TMEM125: variants seen among roughly 807,000 people sequenced by gnomAD.
TMEM125 encodes transmembrane protein 125.
TMEM125 carries 11 observed loss-of-function variants against 8.7 expected under a neutral mutation model. That is an observed-to-expected ratio of 1.26 (90% CI 0.79 to 2.08). The LOEUF is 2.08. Ranked by LOEUF, TMEM125 falls within the 30% of genes most tolerant of loss-of-function variation. The pLI is 0.00. For missense variants in TMEM125, 270 were observed against 302.4 expected (o/e 0.89, Z 0.79); for synonymous variants, 144 against 146.1 (o/e 0.99, Z 0.10).
rs1646510375 is a variant in TMEM125 at position 43,273,481 on chromosome 1, G to A, written c.*99G>A. 1.4e-6 allele frequency: 2 copies of A among 1,437,026 alleles called. No individual in the cohort carries two copies. Among genetic ancestry groups the A allele is most frequent in the East Asian group, 2.5e-5 (1 of 40,296 alleles). The allele number at this position is 1,437,026 out of a possible 1,614,324, so 89.0% of individuals were successfully genotyped here. ...GAACGTTGAGTACACATGAGTGCGT[G>A]TATGCCCCCAGGCTGGGTCAGCTCT... On this transcript the variant is annotated 3_prime_UTR_variant, in exon 4 of 4. Coordinates refer to ENST00000439858, the MANE Select transcript of TMEM125 (RefSeq NM_144626.3).
Position 43,272,875 on chromosome 1 carries a change from C to T in TMEM125, c.153C>T (p.Gly51=), listed in dbSNP as rs754662417. Residue 51 remains glycine (G), a synonymous_variant, in exon 4 of 4, where the codon GGC becomes GGT. Coordinates refer to ENST00000439858, the MANE Select transcript of TMEM125 (RefSeq NM_144626.3). The surrounding 1 kb of genome is among the most constrained non-coding windows in gnomAD (Gnocchi z 5.0). ...GCCTCGTGGCAGGCTGTGGCGCGGG[C>T]GGCGTGGCACTGCTGTCAACCACCA... ...AVGLVAGCGA[G]GVALLSTTSS... 1.6e-5 allele frequency: 25 copies of T among 1,584,212 alleles called. No homozygotes were observed. Among genetic ancestry groups the T allele is most frequent in the East Asian group, 2.3e-5 (1 of 43,712 alleles).
In TMEM125 at chr1:43,273,018, A is replaced by T. The variant is rs1646504149; in HGVS notation, c.296A>T (p.Gln99Leu). 6.2e-7 allele frequency: 1 copy of T among 1,612,732 alleles called. No individual in the cohort carries two copies. The highest frequency in any genetic ancestry group is 1.3e-5 in the African/African-American group (1 of 75,014). Residue 99 changes from glutamine to leucine, a missense_variant, in exon 4 of 4, where the codon CAG becomes CTG. Physicochemically the swap from Gln to Leu is moderately radical, Grantham distance 113. Transcript: ENST00000439858. ...SAVQDMNCIR[Q>L]AHHVALLRSG... Reference sequence around the variant, plus strand: ...GTGCAGGACATGAACTGCATCCGCCAGGCCCACCATGTGGCCCTGCTGCGC... The same window carrying T: ...GTGCAGGACATGAACTGCATCCGCCTGGCCCACCATGTGGCCCTGCTGCGC...
Position 43,271,802 on chromosome 1 carries a change from G to A in TMEM125, c.-301-382G>A, listed in dbSNP as rs541916738. Among the ~76,000 whole-genome samples, 2 of 152,338 alleles carry A rather than the reference G, an allele frequency of 1.3e-5. No homozygotes were observed. The highest frequency in any genetic ancestry group is 1.3e-4 in the Admixed American group (2 of 15,308). On this transcript the variant is annotated intron_variant, in intron 2 of 3. Coordinates refer to ENST00000439858, the MANE Select transcript of TMEM125 (RefSeq NM_144626.3). The surrounding 1 kb of genome is among the most constrained non-coding windows in gnomAD (Gnocchi z 4.9). ...TTTAGAGGTGGAGCCCCAGGGACAG[G>A]ACGTGGATTAGATACAGCAGAGGGA...
chr1:43,271,413 C>T lies in TMEM125; in HGVS notation c.-302+620C>T, dbSNP rs1392072555. On this transcript the variant is annotated intron_variant, in intron 2 of 3. Transcript: ENST00000439858. This position sits in a 1 kb window ranked among gnomAD's most constrained non-coding sequence, Gnocchi z 4.9. ...CTGGGCTGACTAACCCACACCCACACTTAGCACAGGCACTGGCCTGCTTGC... is the reference window on the plus strand; with the variant it reads ...CTGGGCTGACTAACCCACACCCACATTTAGCACAGGCACTGGCCTGCTTGC... Among the ~76,000 whole-genome samples the T allele has an allele frequency of 6.6e-6, 1 of 152,244 alleles. No homozygotes were observed. The highest frequency in any genetic ancestry group is 2.4e-5 in the African/African-American group (1 of 41,460).
In TMEM125 at chr1:43,273,110, ACCCTGGCCGGGCTGGCCGCCGCCCCTGC is replaced by A; in HGVS notation, c.394_421del (p.Ala132LeufsTer32). The A allele has an allele frequency of 6.2e-7, 1 of 1,610,192 alleles. No individual in the cohort carries two copies. The highest frequency in any genetic ancestry group is 8.5e-7 in the Non-Finnish European group (1 of 1,178,030). On this transcript the variant is annotated frameshift_variant, in exon 4 of 4. Transcript: ENST00000439858. LOFTEE classifies it high-confidence loss of function. ...CCTCGTGCTGCTGGTCACCGGCCTG[ACCCTGGCCGGGCTGGCCGCCGCCCCTGC>A]CCCTGCTCGGCCGCTGGCCGCCATG...
At position 43,273,071 on chromosome 1, in the gene TMEM125, G is replaced by A. The variant is rs1646505087; in HGVS notation, c.349G>A (p.Val117Met). The A allele has an allele frequency of 6.2e-7, 1 of 1,610,182 alleles. No homozygotes were observed. Among genetic ancestry groups the A allele is most frequent in the Non-Finnish European group, 8.5e-7 (1 of 1,177,874 alleles). The change falls in exon 4 of 4, where the codon GTG (valine) becomes ATG (methionine). Residue 117 changes from valine to methionine, a missense_variant. Physicochemically the swap from Val to Met is conservative, Grantham distance 21 (BLOSUM62 1). Coordinates refer to ENST00000439858, the MANE Select transcript of TMEM125 (RefSeq NM_144626.3). ...RSGGGADALV[V>M]LLSGLVLLVT... ...TGGTGGAGGGGCCGACGCCCTCGTG[G>A]TGCTGCTCAGTGGCCTCGTGCTGCT...
At position 43,273,234 on chromosome 1, in the gene TMEM125, G is replaced by C; in HGVS notation, c.512G>C (p.Gly171Ala). 6.2e-7 allele frequency: 1 copy of C among 1,614,212 alleles called. No homozygotes were observed. Among genetic ancestry groups the C allele is most frequent in the Non-Finnish European group, 8.5e-7 (1 of 1,180,030 alleles). ...LLLGLLLYQV[G>A]VSGHCPSICM... is the part of the protein sequence containing the mutation. ...CTGGGCCTGCTGCTGTATCAAGTGG[G>C]TGTGAGCGGACACTGCCCCTCCATC... is the stretch of plus-strand genomic sequence containing the variant. The change falls in exon 4 of 4, where the codon GGT (glycine) becomes GCT (alanine). Residue 171 changes from glycine to alanine, a missense_variant. Gly to Ala is a moderately conservative substitution (Grantham distance 60). Around this residue, in one of 3 missense-constraint regions of TMEM125, gnomAD observed 52 missense variants for 69.4 expected, o/e 0.75. Transcript: ENST00000439858.
In TMEM125 at chr1:43,272,817, G is replaced by T; in HGVS notation, c.95G>T (p.Arg32Leu). Residue 32 changes from arginine to leucine, a missense_variant, in exon 4 of 4, where the codon CGG becomes CTG. Coordinates refer to ENST00000439858, the MANE Select transcript of TMEM125 (RefSeq NM_144626.3). The surrounding 1 kb of genome is among the most constrained non-coding windows in gnomAD (Gnocchi z 5.0). Reference sequence around the variant, plus strand: ...GAGCTGTGGTGGTCCCAGCAGCCGCGGCGCTCGGCGCTCTGCTTCGTCGTG... The same window carrying T: ...GAGCTGTGGTGGTCCCAGCAGCCGCTGCGCTCGGCGCTCTGCTTCGTCGTG... The part of the protein sequence containing the change: ...QVELWWSQQP[R>L]RSALCFVVAV... 6.4e-7 allele frequency: 1 copy of T among 1,565,260 alleles called. No individual in the cohort carries two copies. Among genetic ancestry groups the T allele is most frequent in the South Asian group, 1.2e-5 (1 of 85,798 alleles).
chr1:43,270,342 G>A (rs1646482058), intron 1 of TMEM125, among the ~76,000 whole-genome samples: 1 of 151,888 alleles, frequency 6.6e-6, no homozygotes, highest in Non-Finnish European at 1.5e-5. Flanking sequence ...GGGGGTTGGG[G>A]CTGAGATGTG....
In TMEM125 at chr1:43,273,166, G is replaced by C. The variant is rs1646506820; in HGVS notation, c.444G>C (p.Leu148=). The part of the protein sequence containing the change: ...PAPARPLAAM[L]SVGIALAALG... ...CTGCTCGGCCGCTGGCCGCCATGCT[G>C]TCTGTGGGCATTGCTCTGGCTGCCT... is the stretch of plus-strand genomic sequence containing the variant. Residue 148 remains leucine, a synonymous_variant, in exon 4 of 4, where the codon CTG becomes CTC. Transcript: ENST00000439858. The C allele has an allele frequency of 6.2e-7, 1 of 1,613,890 alleles. No individual in the cohort carries two copies. The highest frequency in any genetic ancestry group is 1.3e-5 in the African/African-American group (1 of 74,946).
Position 43,273,232 on chromosome 1 carries a change from G to A in TMEM125, c.510G>A (p.Val170=), listed in dbSNP as rs146103776. ...LLLLGLLLYQ[V]GVSGHCPSIC... is the part of the protein sequence containing the mutation. ...TGCTGGGCCTGCTGCTGTATCAAGT[G>A]GGTGTGAGCGGACACTGCCCCTCCA... Residue 170 remains valine, a synonymous_variant, in exon 4 of 4, where the codon GTG becomes GTA. Coordinates refer to ENST00000439858, the MANE Select transcript of TMEM125 (RefSeq NM_144626.3). The A allele has an allele frequency of 6.1e-4, 978 of 1,614,224 alleles. 12 individuals are homozygous for A. The African/African-American group carries it at 0.011, about 19-fold the overall frequency.
At position 43,273,748 on chromosome 1, in the gene TMEM125, T is replaced by G; in HGVS notation, c.*366T>G. The G allele has an allele frequency of 3.8e-6, 1 of 263,470 alleles. No homozygotes were observed. The highest frequency in any genetic ancestry group is 7.8e-6 in the Non-Finnish European group (1 of 127,538). The allele number at this position is 263,470 out of a possible 1,614,324, so 16.3% of individuals were successfully genotyped here. On this transcript the variant is annotated 3_prime_UTR_variant, in exon 4 of 4. Transcript: ENST00000439858. ...CAAGGATTTCCATAGGGGTGACTGG[T>G]GCCCACCCAAGACTGCACCAGTGCC...
rs146965856 is a variant in TMEM125 at position 43,271,638 on chromosome 1, C to T, written c.-301-546C>T. On this transcript the variant is annotated intron_variant, in intron 2 of 3. Coordinates refer to ENST00000439858, the MANE Select transcript of TMEM125 (RefSeq NM_144626.3). The surrounding 1 kb of genome is among the most constrained non-coding windows in gnomAD (Gnocchi z 4.9). Reference sequence around the variant, plus strand: ...ATCCAGAGCCCTCCTTTTTCCTTTGCTCCACTTTAGAGAAATCGTGGAGGA... The same window carrying T: ...ATCCAGAGCCCTCCTTTTTCCTTTGTTCCACTTTAGAGAAATCGTGGAGGA... Among the ~76,000 whole-genome samples the T allele has an allele frequency of 2.6e-3, 400 of 152,314 alleles. 2 individuals are homozygous for T. The highest frequency in any genetic ancestry group is 0.015 in the South Asian group (73 of 4,828).
chr1:43,272,830 C>G lies in TMEM125; in HGVS notation c.108C>G (p.Leu36=), dbSNP rs1430783997. ...WWSQQPRRSA[L]CFVVAVGLVA... is the part of the protein sequence containing the mutation. Reference sequence around the variant, plus strand: ...CCCAGCAGCCGCGGCGCTCGGCGCTCTGCTTCGTCGTGGCCGTGGGCCTCG... The same window carrying G: ...CCCAGCAGCCGCGGCGCTCGGCGCTGTGCTTCGTCGTGGCCGTGGGCCTCG... The change falls in exon 4 of 4, where the codon CTC becomes CTG. Residue 36 remains leucine, a synonymous_variant. Coordinates refer to ENST00000439858, the MANE Select transcript of TMEM125 (RefSeq NM_144626.3). This position sits in a 1 kb window ranked among gnomAD's most constrained non-coding sequence, Gnocchi z 5.0. The G allele has an allele frequency of 4.4e-6, 7 of 1,573,890 alleles. No individual in the cohort carries two copies. The highest frequency in any genetic ancestry group is 4.3e-6 in the Non-Finnish European group (5 of 1,156,606).
rs1353989434 is a variant in TMEM125, at chr1:43,271,363, C to A, written c.-302+570C>A. On this transcript the variant is annotated intron_variant, in intron 2 of 3. Transcript: ENST00000439858. The surrounding 1 kb of genome is among the most constrained non-coding windows in gnomAD (Gnocchi z 4.9). The stretch of plus-strand genomic sequence containing the variant: ...CAGGCTTCCTGGCCCCTCCCCCAGA[C>A]CCCTCTCCTGGGCTCTGCAGGGCTC... 3.3e-5 allele frequency among the ~76,000 whole-genome samples: 5 copies of A among 152,182 alleles called. No individual in the cohort carries two copies. Among genetic ancestry groups the A allele is most frequent in the Non-Finnish European group, 5.9e-5 (4 of 68,038 alleles).
rs1646490038 is a variant in TMEM125, at chr1:43,271,379, T to C, written c.-302+586T>C. Among the ~76,000 whole-genome samples, 1 of 152,202 alleles carries C rather than the reference T, an allele frequency of 6.6e-6. No homozygotes were observed. The highest frequency in any genetic ancestry group is 1.5e-5 in the Non-Finnish European group (1 of 68,036). On this transcript the variant is annotated intron_variant, in intron 2 of 3. Coordinates refer to ENST00000439858, the MANE Select transcript of TMEM125 (RefSeq NM_144626.3). This position sits in a 1 kb window ranked among gnomAD's most constrained non-coding sequence, Gnocchi z 4.9. ...TCCCCCAGACCCCTCTCCTGGGCTC[T>C]GCAGGGCTCTGGGCTGACTAACCCA...
rs867716644 is a variant in TMEM125, at chr1:43,273,585, C to T, written c.*203C>T. On this transcript the variant is annotated 3_prime_UTR_variant, in exon 4 of 4. Transcript: ENST00000439858. ...ATCATGGGAAGGTTAATGTGTGCCT[C>T]CTTGGAACTGGGTGTTGGTGTCCAT... 1 of 686,466 alleles carries T rather than the reference C, an allele frequency of 1.5e-6. No homozygotes were observed. The highest frequency in any genetic ancestry group is 2.0e-5 in the South Asian group (1 of 48,822). The allele number at this position is 686,466 out of a possible 1,614,324, so 42.5% of individuals were successfully genotyped here.
At position 43,273,153 on chromosome 1, in the gene TMEM125, T is replaced by C. The variant is rs768251986; in HGVS notation, c.431T>C (p.Leu144Pro). Residue 144 changes from leucine to proline, a missense_variant, in exon 4 of 4, where the codon CTG (leucine) becomes CCG (proline). Coordinates refer to ENST00000439858, the MANE Select transcript of TMEM125 (RefSeq NM_144626.3). ...GCCGCCCCTGCCCCTGCTCGGCCGC[T>C]GGCCGCCATGCTGTCTGTGGGCATT... ...LAAAPAPARPLAAMLSVGIAL... is the reference protein window; with the variant it reads ...LAAAPAPARPPAAMLSVGIAL... 9 of 1,613,378 alleles carry C rather than the reference T, an allele frequency of 5.6e-6. No individual in the cohort carries two copies. The highest frequency in any genetic ancestry group is 1.7e-4 in the Middle Eastern group (1 of 6,042).
chr1:43,272,674 TCTGACCCCTGACATTGACCTCCTACC>T lies in TMEM125; in HGVS notation c.-38_-13del, dbSNP rs745673799. 2 of 1,444,716 alleles carry T rather than the reference TCTGACCCCTGACATTGACCTCCTACC, an allele frequency of 1.4e-6. No individual in the cohort carries two copies. The highest frequency in any genetic ancestry group is 4.9e-5 in the East Asian group (2 of 40,878). 89.5% of individuals were successfully genotyped at this position (1,444,716 alleles called of 1,614,324 possible). A position where few individuals can be genotyped will look rare whatever the true frequency, so the allele number is the denominator to read the frequency against. On this transcript the variant is annotated 5_prime_UTR_variant, in exon 4 of 4. Coordinates refer to ENST00000439858, the MANE Select transcript of TMEM125 (RefSeq NM_144626.3). The surrounding 1 kb of genome is among the most constrained non-coding windows in gnomAD (Gnocchi z 5.0). ...GTGCTCCAGGCTGTGATCTGAACCC[TCTGACCCCTGACATTGACCTCCTACC>T]CTGACCCCTGCCTGACCAAGCCATG...
Sources: gnomAD v4.1 joint callset for allele counts (sites outside exome capture counted in the v4.1 genomes callset) on GRCh38, gnomAD v4.1.1 for gene constraint, gnomAD v4.1.1 regional missense constraint, Gnocchi (gnomAD v3.1) non-coding constraint, MANE v1.5 for transcripts, NCBI Gene and HGNC (gene_info 2026-07-23, HGNC 2026-07-21) for gene names.